FGL1: variants seen among roughly 807,000 people sequenced by gnomAD.
FGL1 encodes the protein fibrinogen-like protein 1.
FGL1 carries 59 observed loss-of-function variants against 43.7 expected under a neutral mutation model. The observed-to-expected ratio is 1.35, with a 90% CI of 1.10 to 1.68. The LOEUF is 1.68. FGL1 is among the 40% of genes most tolerant of loss of function. FGL1 has a pLI of 0.00. For missense variants in FGL1, 596 were observed against 373.0 expected, an observed-to-expected ratio of 1.60 and a Z score of -4.92; for synonymous variants, 192 against 126.5, an observed-to-expected ratio of 1.52 and a Z score of -3.48.
chr8:17,871,625 G>A (rs909767237), intron 5 of FGL1, among the ~76,000 whole-genome samples: 1 of 151,862 alleles, frequency 6.6e-6, no homozygotes, highest in Non-Finnish European at 1.5e-5. Flanking sequence ...CAATTTTATT[G>A]CCACTACTTC....
intron 1 of FGL1, among the ~76,000 whole-genome samples, chr8:17,889,145 C>T (rs1371398113): frequency 2.0e-5 from 3 of 152,066 alleles, no homozygotes; most frequent in Admixed American, 6.6e-5. Context: ...CATTAAAGGG[C>T]CCATCATCAA....
At chr8:17,872,505 G>A (rs1468332891) in intron 5 of FGL1, among the ~76,000 whole-genome samples, 9 of 152,182 alleles carry the variant, frequency 5.9e-5, no homozygotes, top group Admixed American at 4.6e-4. Flanking sequence ...GTTTCACCAT[G>A]TTGGCCAGGC....
intron 1 of FGL1, chr8:17,891,448 C>G (rs1454927568): frequency 6.6e-6 from 1 of 152,428 alleles, no homozygotes; most frequent in Non-Finnish European, 1.5e-5. Context: ...CTGTGTGTCT[C>G]TGTGTCTAAT....
chr8:17,867,632 C>T (rs2053289918), intron 7 of FGL1, among the ~76,000 whole-genome samples: 1 of 152,152 alleles, frequency 6.6e-6, no homozygotes, highest in East Asian at 1.9e-4. Flanking sequence ...TATGAAACTC[C>T]AACACTGGAT....
At chr8:17,874,278 G>C in intron 4 of FGL1, 84 bp downstream of exon 4, 2 of 1,454,610 alleles carry the variant, frequency 1.4e-6, no homozygotes, top group Non-Finnish European at 1.9e-6. Context: ...CTAATTAATA[G>C]GCTTCAGGAT....
intron 7 of FGL1, among the ~76,000 whole-genome samples, chr8:17,867,712 G>C (rs1199844946): frequency 6.6e-6 from 1 of 152,190 alleles, no homozygotes; most frequent in Non-Finnish European, 1.5e-5. Context: ...GCTAGACAGA[G>C]GGGTGACCCA....
chr8:17,881,738 G>A (rs1196465925), intron 3 of FGL1, among the ~76,000 whole-genome samples: 4 of 151,182 alleles, frequency 2.6e-5, no homozygotes, highest in Admixed American at 2.6e-4. Context: ...GGAGACTGAG[G>A]CAGGAGAATG....
At chr8:17,870,151 G>A (rs949969083) in intron 5 of FGL1, among the ~76,000 whole-genome samples, 4 of 151,610 alleles carry the variant, frequency 2.6e-5, no homozygotes, top group African/African-American at 9.7e-5. Flanking sequence ...CAATGTATTG[G>A]GTACATATTA....
chr8:17,864,794 GAAA>G (rs1208329528), intron 7 of FGL1, 43 bp from the exon 8 acceptor site: 2 of 1,391,148 alleles, frequency 1.4e-6, no homozygotes, highest in East Asian at 2.6e-5. Flanking sequence ...AATCAGACTG[GAAA>G]AATATTGTTC....
intron 1 of FGL1, among the ~76,000 whole-genome samples, chr8:17,893,420 T>C (rs2053734178): frequency 6.7e-6 from 1 of 149,894 alleles, no homozygotes; most frequent in Non-Finnish European, 1.5e-5. Flanking sequence ...GTATATATTA[T>C]AGATTATATT....
intron 1 of FGL1, 61 bp downstream of exon 1, chr8:17,895,386 T>A: frequency 2.4e-6 from 3 of 1,276,108 alleles, no homozygotes; most frequent in Non-Finnish European, 3.1e-6. Flanking sequence ...CTATCATACC[T>A]GTGAAATAAA....
At chr8:17,871,997 T>A (rs1041763993) in intron 5 of FGL1, among the ~76,000 whole-genome samples, 2 of 152,120 alleles carry the variant, frequency 1.3e-5, no homozygotes, top group Non-Finnish European at 2.9e-5. Context: ...CAGATAAATA[T>A]CAATGTGCAA....
intron 1 of FGL1, among the ~76,000 whole-genome samples, chr8:17,894,877 A>G (rs1010203721): frequency 2.1e-5 from 3 of 145,472 alleles, no homozygotes; most frequent in Admixed American, 6.8e-5. Flanking sequence ...TGTACGTAAC[A>G]TTATTATACA....
intron 2 of FGL1, among the ~76,000 whole-genome samples, chr8:17,885,198 G>A (rs2053609936): frequency 6.6e-6 from 1 of 151,722 alleles, no homozygotes; most frequent in African/African-American, 2.4e-5. Context: ...GTGCCATCAC[G>A]CCCGGCTAAT....
At chr8:17,864,904 G>T (rs761942682) in intron 7 of FGL1, among the ~76,000 whole-genome samples, 153 bp from the exon 8 acceptor site, 2 of 152,116 alleles carry the variant, frequency 1.3e-5, no homozygotes, top group Non-Finnish European at 2.9e-5. Flanking sequence ...TCCAAAAGCT[G>T]AGAAATTTCT....
intron 7 of FGL1, 90 bp from the exon 8 acceptor site, chr8:17,864,841 A>C (rs1033911430): frequency 8.6e-7 from 1 of 1,157,304 alleles, no homozygotes; most frequent in Non-Finnish European, 1.1e-6. Context: ...AATGCTCAAA[A>C]TTTTTGAACT....
At chr8:17,870,479 C>T (rs2053341855) in intron 5 of FGL1, among the ~76,000 whole-genome samples, 1 of 152,114 alleles carries the variant, frequency 6.6e-6, no homozygotes, top group Non-Finnish European at 1.5e-5. Context: ...GAATTTAGAG[C>T]CTCACTTTCC....
intron 7 of FGL1, among the ~76,000 whole-genome samples, chr8:17,868,015 A>C (rs2053295847): frequency 6.6e-6 from 1 of 152,232 alleles, no homozygotes; most frequent in African/African-American, 2.4e-5. Context: ...TTTGCTGATA[A>C]AGTAACATGA....
chr8:17,873,499 G>A (rs1161566090), intron 5 of FGL1, among the ~76,000 whole-genome samples: 2 of 152,078 alleles, frequency 1.3e-5, no homozygotes, highest in Admixed American at 1.3e-4. Flanking sequence ...TTTGTGAGAA[G>A]TAATAAATGG....
Sources: allele counts gnomAD v4.1 joint callset (sites outside exome capture counted in the v4.1 genomes callset), GRCh38; gene constraint gnomAD v4.1.1; transcripts MANE v1.5; gene names NCBI Gene and HGNC (gene_info 2026-07-23, HGNC 2026-07-21).